SLC6A20: variants seen among roughly 807,000 people sequenced by gnomAD.
The protein encoded by SLC6A20 is sodium- and chloride-dependent transporter XTRP3.
In SLC6A20, 73 loss-of-function variants were observed where a neutral mutation model predicts 64.3. The ratio of observed to expected loss-of-function variants is 1.14; its 90% confidence interval spans 0.94 to 1.38. The LOEUF (loss-of-function observed/expected upper bound fraction) is 1.38. Ranked by LOEUF, SLC6A20 falls within the 40% of genes most tolerant of loss-of-function variation. The pLI, the probability that SLC6A20 is intolerant of heterozygous loss-of-function variation, is 0.00. For synonymous variants in SLC6A20, 347 were observed against 329.6 expected (o/e 1.05, Z -0.57); for missense variants, 725 against 772.8 (o/e 0.94, Z 0.73).
intron 1 of SLC6A20, among the ~76,000 whole-genome samples, chr3:45,785,297 G>A (rs527720900): frequency 2.0e-5 from 3 of 152,188 alleles, no homozygotes; most frequent in Non-Finnish European, 4.4e-5. Context: ...TCCTGGGTGT[G>A]TCTGTGAGGG....
intron 2 of SLC6A20, among the ~76,000 whole-genome samples, chr3:45,780,303 C>T (rs1700057988): frequency 6.6e-6 from 1 of 152,214 alleles, no homozygotes; most frequent in Admixed American, 6.5e-5. Flanking sequence ...TCTCCAACCT[C>T]CCTCCTCACC....
chr3:45,766,108 AG>A (rs1699772432), intron 7 of SLC6A20, among the ~76,000 whole-genome samples: 1 of 152,170 alleles, frequency 6.6e-6, no homozygotes, highest in African/African-American at 2.4e-5. Context: ...CTGAGGAGGG[AG>A]GGCGGGGCCA....
intron 7 of SLC6A20, among the ~76,000 whole-genome samples, chr3:45,767,928 C>T (rs1225182678): frequency 6.6e-6 from 1 of 152,132 alleles, no homozygotes; most frequent in Non-Finnish European, 1.5e-5. Context: ...GGAACAATGT[C>T]TTTAAAAGAT....
intron 9 of SLC6A20, among the ~76,000 whole-genome samples, chr3:45,762,369 G>A (rs948724627): frequency 6.6e-6 from 1 of 152,116 alleles, no homozygotes; most frequent in Non-Finnish European, 1.5e-5. Context: ...CCAGCCCAAG[G>A]GACTCTGAGG....
intron 1 of SLC6A20, among the ~76,000 whole-genome samples, chr3:45,795,160 C>T (rs1039307033): frequency 5.3e-5 from 8 of 152,048 alleles, no homozygotes; most frequent in African/African-American, 7.2e-5. Flanking sequence ...CACACACACA[C>T]GACAAGGTAA....
chr3:45,759,261 C>T (rs1478151019), intron 10 of SLC6A20, 134 bp from the exon 11 acceptor site: 2 of 901,522 alleles, frequency 2.2e-6, no homozygotes, highest in Non-Finnish European at 1.6e-6. Flanking sequence ...ACTCCTGGGG[C>T]CACGGGCTCT....
chr3:45,794,844 A>T (rs1201358448), intron 1 of SLC6A20, among the ~76,000 whole-genome samples: 3 of 152,258 alleles, frequency 2.0e-5, no homozygotes, highest in Non-Finnish European at 2.9e-5. Context: ...CTGTTAGAGC[A>T]CATGGTAATG....
chr3:45,782,310 C>T, intron 1 of SLC6A20, 87 bp from the exon 2 acceptor site: 2 of 1,500,962 alleles, frequency 1.3e-6, no homozygotes, highest in Non-Finnish European at 1.8e-6. Flanking sequence ...ATCCTTCCAT[C>T]CTCCTGTCTT....
intron 7 of SLC6A20, among the ~76,000 whole-genome samples, chr3:45,769,356 T>C (rs193010199): frequency 1.3e-5 from 2 of 152,214 alleles, no homozygotes; most frequent in East Asian, 3.9e-4. Context: ...CTAGATTTTT[T>C]TTTTCCAATG....
intron 1 of SLC6A20, among the ~76,000 whole-genome samples, chr3:45,786,509 G>A (rs1700171538): frequency 6.6e-6 from 1 of 152,198 alleles, no homozygotes; most frequent in Non-Finnish European, 1.5e-5. Flanking sequence ...CTGTGTCCTT[G>A]TCCAGAGGCA....
chr3:45,771,075 T>C, intron 6 of SLC6A20, 142 bp downstream of exon 6: 2 of 1,226,420 alleles, frequency 1.6e-6, no homozygotes, highest in Non-Finnish European at 2.2e-6. Context: ...CTCCAGCAAC[T>C]GGTGGTGGTG....
At chr3:45,795,067 A>G (rs1700322835) in intron 1 of SLC6A20, among the ~76,000 whole-genome samples, 1 of 152,178 alleles carries the variant, frequency 6.6e-6, no homozygotes, top group South Asian at 2.1e-4. Flanking sequence ...TTGGTCTAAC[A>G]TCTTCCATGA....
chr3:45,777,758 T>A (rs184106181), intron 3 of SLC6A20, among the ~76,000 whole-genome samples: 2 of 152,262 alleles, frequency 1.3e-5, no homozygotes, highest in Non-Finnish European at 2.9e-5. Flanking sequence ...TAGGCTGACA[T>A]CCCCTTGGGC....
chr3:45,796,273 G>A (rs765838751), intron 1 of SLC6A20, 26 bp downstream of exon 1: 1 of 1,581,142 alleles, frequency 6.3e-7, no homozygotes, highest in Non-Finnish European at 8.6e-7. Context: ...GAGTTGGGCT[G>A]GGGCCGGGGC....
At position 45,771,284 on chromosome 3, in the gene SLC6A20, C is replaced by T; in HGVS notation, c.868G>A (p.Ala290Thr). The T allele has an allele frequency of 6.2e-7, 1 of 1,614,160 alleles. No individual in the cohort carries two copies. The highest frequency in any genetic ancestry group is 8.5e-7 in the Non-Finnish European group (1 of 1,180,032). The change falls in exon 6 of 11, where the codon GCC becomes ACC. Residue 290 changes from alanine to threonine, a missense_variant. Transcript: ENST00000358525. ...SLINSFTSIF[A>T]SIVTFSIYGF... ...TAGATGGAGAAGGTGACAATGCTGGCAAATATGGAGGTGAAGCTGTTGATG... is the reference window on the plus strand; with the variant it reads ...TAGATGGAGAAGGTGACAATGCTGGTAAATATGGAGGTGAAGCTGTTGATG...
intron 9 of SLC6A20, 55 bp from the exon 10 acceptor site, chr3:45,760,077 GC>G (rs1699642851): frequency 2.6e-6 from 4 of 1,556,660 alleles, no homozygotes; most frequent in Non-Finnish European, 1.7e-6. Flanking sequence ...GGAGGTCAGG[GC>G]GTCCAGCTTG....
chr3:45,782,016 G>A, intron 2 of SLC6A20, 67 bp downstream of exon 2: 1 of 1,485,104 alleles, frequency 6.7e-7, no homozygotes, highest in Non-Finnish European at 9.0e-7. Context: ...TTGCTGATGG[G>A]ATCCCACCCA....
rs2125661674 is a variant in SLC6A20, at chr3:45,796,154, C to T, written c.121+145G>A. On this transcript the variant is annotated intron_variant, in intron 1 of 10. Coordinates refer to ENST00000358525, the MANE Select transcript of SLC6A20 (RefSeq NM_020208.4). ...TCCGGAACGAGGTGTCCTGGGAACA[C>T]TCCCGGGTCTGTAACTTCGGACAAA... is the stretch of plus-strand genomic sequence containing the variant. 3 of 1,457,078 alleles carry T rather than the reference C, an allele frequency of 2.1e-6. No homozygotes were observed. The East Asian group carries it at 7.8e-5, about 38-fold the overall frequency. 90.3% of individuals were successfully genotyped at this position (1,457,078 alleles called of 1,614,324 possible).
Position 45,759,753 on chromosome 3 carries a change from C to G in SLC6A20, c.1629+104G>C, listed in dbSNP as rs933996301. ...ATATTTCCATGTCGTGACAAATAAC[C>G]TACCCACACCATGGAAATAGTCCCC... On this transcript the variant is annotated intron_variant, in intron 10 of 10. Transcript: ENST00000358525. The G allele has an allele frequency of 2.9e-6, 4 of 1,363,076 alleles. No homozygotes were observed. The Admixed American group carries it at 6.9e-5, about 23-fold the overall frequency. The allele number at this position is 1,363,076 out of a possible 1,614,324, so 84.4% of individuals were successfully genotyped here.
Sources: gnomAD v4.1 joint callset for allele counts (sites outside exome capture counted in the v4.1 genomes callset) on GRCh38, gnomAD v4.1.1 for gene constraint, MANE v1.5 for transcripts, NCBI Gene and HGNC (gene_info 2026-07-23, HGNC 2026-07-21) for gene names.